Variants in KCNIP4 observed in about 807,000 individuals in gnomAD.
KCNIP4 encodes Kv channel-interacting protein 4.
A neutral mutation model predicts 34.0 loss-of-function variants in KCNIP4; 12 were observed. The ratio of observed to expected loss-of-function variants is 0.35; its 90% CI spans 0.23 to 0.57. KCNIP4 has a LOEUF of 0.57. Ranked by LOEUF, KCNIP4 falls within the 20% of genes least tolerant of loss-of-function variation. The pLI is 0.83. For synonymous variants in KCNIP4, 124 were observed against 102.2 expected, an observed-to-expected ratio of 1.21 and a Z score of -1.29; for missense variants, 238 against 311.7, an observed-to-expected ratio of 0.76 and a Z score of 1.78.
chr4:21,879,448 C>G (rs138666165), intron 1 of KCNIP4, among the ~76,000 whole-genome samples: 7 of 152,374 alleles, frequency 4.6e-5, no homozygotes, highest in South Asian at 2.1e-4. Flanking sequence ...ATGGCTGCCC[C>G]CTTCAGGCAA....
At chr4:21,928,958 C>T (rs1348024627) in intron 1 of KCNIP4, among the ~76,000 whole-genome samples, 1 of 151,884 alleles carries the variant, frequency 6.6e-6, no homozygotes, top group East Asian at 1.9e-4. Context: ...CCATCTCTGC[C>T]CCAGAACAAC....
chr4:21,622,487 C>T lies in KCNIP4; in HGVS notation c.61+326084G>A, dbSNP rs12502842. On this transcript the variant is annotated intron_variant, in intron 1 of 8. Coordinates refer to ENST00000382152, the MANE Select transcript of KCNIP4 (RefSeq NM_025221.6). ...GAGTATTTCAGAAAGGGCAAGACAA[C>T]CTTGCTTTCCAGCTGTTTGCAAGCA... Among the ~76,000 whole-genome samples, 108 of 152,142 alleles carry T rather than the reference C, an allele frequency of 7.1e-4. 1 individual carries two copies. The Middle Eastern group carries it at 0.01, about 14-fold the overall frequency.
At chr4:21,844,390 A>G (rs1374326290) in intron 1 of KCNIP4, 2 of 152,074 alleles carry the variant, frequency 1.3e-5, no homozygotes, top group Non-Finnish European at 2.9e-5. Flanking sequence ...CGTAGAGATA[A>G]GAAAAAAAGC....
At chr4:21,898,993 C>T (rs577110685) in intron 1 of KCNIP4, among the ~76,000 whole-genome samples, 15 of 152,166 alleles carry the variant, frequency 9.9e-5, no homozygotes, top group Middle Eastern at 3.4e-3. Context: ...GGCACCTCTG[C>T]ATGTGGAAAG....
intron 1 of KCNIP4, among the ~76,000 whole-genome samples, chr4:21,738,939 T>A (rs1716208481): frequency 6.6e-6 from 1 of 152,162 alleles, no homozygotes. Flanking sequence ...GACATTATTA[T>A]AAGACACAAA....
At chr4:21,790,345 G>A (rs1720192781) in intron 1 of KCNIP4, among the ~76,000 whole-genome samples, 1 of 152,058 alleles carries the variant, frequency 6.6e-6, no homozygotes, top group African/African-American at 2.4e-5. Context: ...GGAAATCTAA[G>A]CAACCACTTT....
rs1560473199 is a variant in KCNIP4, at chr4:21,512,166, GA to G, written c.61+436404del. ...AAAGGAAGCAAGGGAGGGAGGGAGG[GA>G]GGGAGGAAGGAAGGAACGAACGAAG... On this transcript the variant is annotated intron_variant, in intron 1 of 8. Transcript: ENST00000382152. Among the ~76,000 whole-genome samples, 309 of 128,162 alleles carry G rather than the reference GA, an allele frequency of 2.4e-3. 2 individuals are homozygous for G. The highest frequency in any genetic ancestry group is 8.7e-3 in the African/African-American group (285 of 32,576). 84.1% of individuals were successfully genotyped at this position (128,162 alleles called of 152,430 possible).
intron 1 of KCNIP4, among the ~76,000 whole-genome samples, chr4:21,761,003 A>C (rs1718011552): frequency 6.6e-6 from 1 of 152,168 alleles, no homozygotes; most frequent in Non-Finnish European, 1.5e-5. Context: ...TAAATCTCAT[A>C]AAATTAAATA....
chr4:21,057,493 C>T (rs1245464401), intron 1 of KCNIP4, among the ~76,000 whole-genome samples: 1 of 151,982 alleles, frequency 6.6e-6, no homozygotes, highest in Non-Finnish European at 1.5e-5. Flanking sequence ...TATTTGATTA[C>T]CTCAATTTTT....
At chr4:20,873,718 G>C (rs1723718709) in intron 2 of KCNIP4, among the ~76,000 whole-genome samples, 2 of 152,134 alleles carry the variant, frequency 1.3e-5, no homozygotes, top group African/African-American at 4.8e-5. Context: ...TGCCAGACAA[G>C]ATGAAAAATC....
At chr4:21,659,893 A>C (rs1175389467) in intron 1 of KCNIP4, among the ~76,000 whole-genome samples, 1 of 152,158 alleles carries the variant, frequency 6.6e-6, no homozygotes, top group Non-Finnish European at 1.5e-5. Flanking sequence ...ACTTGAGGAG[A>C]GGACTCTAGC....
chr4:21,474,853 T>C (rs1730797618), intron 1 of KCNIP4, among the ~76,000 whole-genome samples: 1 of 151,024 alleles, frequency 6.6e-6, no homozygotes, highest in South Asian at 2.1e-4. Flanking sequence ...AAAAAAAAAT[T>C]AGCCAGGCAT....
intron 1 of KCNIP4, among the ~76,000 whole-genome samples, chr4:21,204,218 G>C (rs933073061): frequency 6.6e-6 from 1 of 151,824 alleles, no homozygotes; most frequent in Admixed American, 6.6e-5. Context: ...CATGTGCTTA[G>C]TTCAGTCCAA....
chr4:21,932,891 C>CA (rs1729648892), intron 1 of KCNIP4, among the ~76,000 whole-genome samples: 1 of 151,702 alleles, frequency 6.6e-6, no homozygotes, highest in Admixed American at 6.6e-5. Flanking sequence ...AAAAATCTAT[C>CA]AAAATGAAGA....
intron 1 of KCNIP4, among the ~76,000 whole-genome samples, chr4:21,352,384 A>T (rs956335781): frequency 6.6e-6 from 1 of 152,212 alleles, no homozygotes; most frequent in Admixed American, 6.5e-5. Context: ...AAAGGAAGCC[A>T]TGATAGACTG....
chr4:21,700,249 T>C (rs1712725460), intron 1 of KCNIP4, among the ~76,000 whole-genome samples: 1 of 152,224 alleles, frequency 6.6e-6, no homozygotes, highest in Non-Finnish European at 1.5e-5. Flanking sequence ...AGGATACTTG[T>C]TATCTTTTGT....
intron 1 of KCNIP4, among the ~76,000 whole-genome samples, chr4:21,338,134 T>C (rs796146678): frequency 5.3e-5 from 8 of 152,144 alleles, no homozygotes; most frequent in African/African-American, 1.7e-4. Flanking sequence ...TCCCTCCCTT[T>C]GTAAGACTTT....
chr4:21,668,657 T>C (rs1047788746), intron 1 of KCNIP4, among the ~76,000 whole-genome samples: 5 of 152,170 alleles, frequency 3.3e-5, no homozygotes, highest in African/African-American at 9.6e-5. Context: ...AACATGTTAA[T>C]GAGAGCTAAA....
intron 1 of KCNIP4, among the ~76,000 whole-genome samples, chr4:21,528,723 GAAA>G (rs1560489360): frequency 0.053 from 66 of 1,256 alleles, 4 homozygotes; most frequent in East Asian, 0.17. Context: ...AAGAAAGAAA[GAAA>G]GAAAGAAAGA....
Sources: gnomAD v4.1 joint callset for allele counts (sites outside exome capture counted in the v4.1 genomes callset) on GRCh38, gnomAD v4.1.1 for gene constraint, MANE v1.5 for transcripts, NCBI Gene and HGNC (gene_info 2026-07-23, HGNC 2026-07-21) for gene names.